The following TMEM132D variants were observed in gnomAD, a reference collection of about 807,000 sequenced individuals.
TMEM132D encodes the protein transmembrane protein 132D.
TMEM132D carries 21 observed loss-of-function variants against 62.3 expected under a neutral mutation model. That is an observed-to-expected ratio of 0.34 (90% CI 0.24 to 0.49). TMEM132D has a LOEUF of 0.49. Among genes scored for constraint, TMEM132D ranks in the 20% least tolerant of loss-of-function variants. The probability of loss-of-function intolerance (pLI) is 0.99; values close to 1 mark genes in which losing one functional copy is unlikely to be tolerated. For synonymous variants in TMEM132D, 621 were observed against 575.6 expected (o/e 1.08, Z -1.13); for missense variants, 1,346 against 1,402.8 (o/e 0.96, Z 0.65).
intron 5 of TMEM132D, among the ~76,000 whole-genome samples, chr12:129,118,940 T>G (rs574745187): frequency 2.6e-5 from 4 of 152,308 alleles, no homozygotes; most frequent in African/African-American, 9.6e-5. Flanking sequence ...CAGAGGGCCT[T>G]CTACAGGGCA....
At chr12:129,216,062 T>A (rs1438975725) in intron 4 of TMEM132D, among the ~76,000 whole-genome samples, 2 of 152,156 alleles carry the variant, frequency 1.3e-5, no homozygotes, top group Admixed American at 6.5e-5. Context: ...CCAAACCATA[T>A]CAGACTGCCT....
At chr12:129,642,450 T>A (rs1879664040) in intron 2 of TMEM132D, among the ~76,000 whole-genome samples, 1 of 152,066 alleles carries the variant, frequency 6.6e-6, no homozygotes, top group South Asian at 2.1e-4. Context: ...ACCAGTAAAC[T>A]CTCTCCTGCC....
intron 1 of TMEM132D, among the ~76,000 whole-genome samples, chr12:129,775,366 T>C (rs1870885248): frequency 2.6e-5 from 4 of 152,130 alleles, no homozygotes; most frequent in Non-Finnish European, 5.9e-5. Flanking sequence ...CCTTGCCCAG[T>C]CTCCTACCAG....
chr12:129,859,428 A>C (rs1380470117), intron 1 of TMEM132D, among the ~76,000 whole-genome samples: 1 of 152,236 alleles, frequency 6.6e-6, no homozygotes, highest in East Asian at 1.9e-4. Flanking sequence ...ATTAATTGCC[A>C]ATATTTTAAA....
intron 3 of TMEM132D, among the ~76,000 whole-genome samples, chr12:129,349,352 G>C (rs2135666946): frequency 6.6e-6 from 1 of 152,296 alleles, no homozygotes; most frequent in African/African-American, 2.4e-5. Flanking sequence ...ATATTTAAAA[G>C]ATGAGGCTCT....
intron 2 of TMEM132D, among the ~76,000 whole-genome samples, chr12:129,594,374 G>A (rs1256413228): frequency 1.3e-5 from 2 of 152,156 alleles, no homozygotes; most frequent in Admixed American, 1.3e-4. Flanking sequence ...AAAGTCCAGG[G>A]GAAATGAATA....
At chr12:129,549,322 C>A (rs1876825453) in intron 2 of TMEM132D, among the ~76,000 whole-genome samples, 1 of 151,396 alleles carries the variant, frequency 6.6e-6, no homozygotes, top group Non-Finnish European at 1.5e-5. Context: ...TATGGTTTAG[C>A]TGTGTCCCCA....
intron 1 of TMEM132D, among the ~76,000 whole-genome samples, chr12:129,783,634 G>C (rs1195730728): frequency 6.6e-6 from 1 of 152,154 alleles, no homozygotes; most frequent in African/African-American, 2.4e-5. Context: ...AGATCTGATA[G>C]GTGTTTCCAT....
intron 1 of TMEM132D, among the ~76,000 whole-genome samples, chr12:129,891,463 T>A (rs901304462): frequency 6.6e-6 from 1 of 152,190 alleles, no homozygotes; most frequent in Non-Finnish European, 1.5e-5. Context: ...GGAAATGCCG[T>A]TGGGTGCGGC....
intron 3 of TMEM132D, among the ~76,000 whole-genome samples, chr12:129,482,066 C>T (rs1454000068): frequency 6.6e-6 from 1 of 152,216 alleles, no homozygotes; most frequent in Non-Finnish European, 1.5e-5. Flanking sequence ...TGTTGTAGAA[C>T]AGAGGTACCC....
chr12:129,802,568 C>G (rs1190925740), intron 1 of TMEM132D, among the ~76,000 whole-genome samples: 208 of 100,920 alleles, frequency 2.1e-3, no homozygotes, highest in Admixed American at 4.2e-3. Flanking sequence ...CAACCGGTAC[C>G]AGCCGCTGCA....
At chr12:129,422,696 A>G (rs193228927) in intron 3 of TMEM132D, among the ~76,000 whole-genome samples, 13 of 152,304 alleles carry the variant, frequency 8.5e-5, no homozygotes, top group Non-Finnish European at 1.3e-4. Context: ...ATTTATCTAC[A>G]CAAAGAAAAT....
At chr12:129,640,207 T>C (rs948078842) in intron 2 of TMEM132D, among the ~76,000 whole-genome samples, 1 of 152,092 alleles carries the variant, frequency 6.6e-6, no homozygotes, top group Admixed American at 6.5e-5. Context: ...AAGAGCCAGA[T>C]GGTAAATATA....
intron 3 of TMEM132D, among the ~76,000 whole-genome samples, chr12:129,513,876 C>T (rs548825639): frequency 4.7e-5 from 7 of 149,744 alleles, no homozygotes; most frequent in East Asian, 2.0e-4. Context: ...CTCGCTCTGT[C>T]GCCCAGGCTG....
intron 1 of TMEM132D, among the ~76,000 whole-genome samples, chr12:129,868,258 T>A (rs996393222): frequency 1.2e-4 from 18 of 152,088 alleles, no homozygotes; most frequent in African/African-American, 4.1e-4. Flanking sequence ...GGAACACACA[T>A]GAGACAGCAT....
intron 4 of TMEM132D, among the ~76,000 whole-genome samples, chr12:129,237,526 C>T (rs570591995): frequency 3.3e-5 from 5 of 152,196 alleles, no homozygotes; most frequent in Admixed American, 1.3e-4. Context: ...TGTTTAATTT[C>T]CATATGTAAA....
intron 2 of TMEM132D, among the ~76,000 whole-genome samples, chr12:129,685,908 T>C (rs1279480359): frequency 6.6e-6 from 1 of 152,244 alleles, no homozygotes; most frequent in Non-Finnish European, 1.5e-5. Context: ...CATTGGATTT[T>C]GGACTTACAT....
At chr12:129,404,959 A>C (rs1176583342) in intron 3 of TMEM132D, among the ~76,000 whole-genome samples, 1 of 152,202 alleles carries the variant, frequency 6.6e-6, no homozygotes, top group Non-Finnish European at 1.5e-5. Context: ...ATGTCAGATA[A>C]GCATAGGGCT....
chr12:129,518,615 T>C (rs1875753288), intron 3 of TMEM132D, among the ~76,000 whole-genome samples: 1 of 151,804 alleles, frequency 6.6e-6, no homozygotes, highest in East Asian at 1.9e-4. Flanking sequence ...AACATTTTGG[T>C]TATTAACAAA....
Sources: allele counts gnomAD v4.1 joint callset (sites outside exome capture counted in the v4.1 genomes callset), GRCh38; gene constraint gnomAD v4.1.1; transcripts MANE v1.5; gene names NCBI Gene and HGNC (gene_info 2026-07-23, HGNC 2026-07-21).